LRRC9: variants seen among roughly 807,000 people sequenced by gnomAD.
LRRC9 encodes leucine rich repeat containing 9.
LRRC9 carries 122 observed loss-of-function variants against 63.2 expected under a neutral mutation model. The ratio of observed to expected loss-of-function variants is 1.93; its 90% CI spans 1.67 to 2.24. The LOEUF is 2.24. Ranked by LOEUF, LRRC9 falls within the 30% of genes most tolerant of loss-of-function variation. The pLI is 0.00. For missense variants in LRRC9, 1,071 were observed against 627.7 expected (o/e 1.71, Z -7.55); for synonymous variants, 366 against 213.1 (o/e 1.72, Z -6.25).
Position 60,042,512 on chromosome 14 carries a change from AGT to A in LRRC9, c.3990+10451_3990+10452del, listed in dbSNP as rs1343972317. Among the ~76,000 whole-genome samples the A allele has an allele frequency of 6.6e-6, 1 of 152,194 alleles. No homozygotes were observed. Among genetic ancestry groups the A allele is most frequent in the Non-Finnish European group, 1.5e-5 (1 of 68,022 alleles). ...TTCGATCTCAGACTGCTGTGCTGGC[AGT>A]GAGTGAGGCTCCGTGGGCATGGGAT... On this transcript the variant is annotated intron_variant, in intron 29 of 31. Coordinates refer to ENST00000445360, the Ensembl canonical transcript of LRRC9. The surrounding 1 kb of genome is among the most constrained non-coding windows in gnomAD (Gnocchi z 4.2).
At chr14:59,965,713 C>A (rs775792667) in intron 10 of LRRC9, among the ~76,000 whole-genome samples, 4 of 151,650 alleles carry the variant, frequency 2.6e-5, no homozygotes, top group Non-Finnish European at 2.9e-5. Flanking sequence ...GAAACCCCGT[C>A]TGTATTAAAA....
intron 27 of LRRC9, among the ~76,000 whole-genome samples, chr14:60,026,364 A>G (rs1807890909): frequency 6.6e-6 from 1 of 152,122 alleles, no homozygotes. Context: ...AGTAATGCTG[A>G]GCATTTTTCC....
chr14:60,015,293 C>T lies in LRRC9; in HGVS notation c.3187-1367C>T, dbSNP rs553319425. ...TTTGTGTCATTTCAAAGTTGGCATC[C>T]GTTGATCGTCTTTTCACATTCAAGT... On this transcript the variant is annotated intron_variant, in intron 23 of 31. Transcript: ENST00000445360. Among the ~76,000 whole-genome samples the T allele has an allele frequency of 4.6e-5, 7 of 152,204 alleles. No individual in the cohort carries two copies. In the South Asian group the frequency reaches 8.3e-4, roughly 18 times the overall value.
At chr14:59,929,413 T>TAA (rs1448228394) in intron 3 of LRRC9, among the ~76,000 whole-genome samples, 1 of 123,146 alleles carries the variant, frequency 8.1e-6, no homozygotes, top group Admixed American at 8.0e-5. Flanking sequence ...TATTAAAAAG[T>TAA]CAAAAAAAAA....
At chr14:59,978,166 C>A (rs931377376) in intron 15 of LRRC9, 34 bp downstream of exon 15, 2 of 696,968 alleles carry the variant, frequency 2.9e-6, no homozygotes. Flanking sequence ...AAGACTAATT[C>A]TAATTCCTTA....
chr14:60,013,202 A>G (rs1425624957), intron 23 of LRRC9, among the ~76,000 whole-genome samples: 1 of 151,356 alleles, frequency 6.6e-6, no homozygotes, highest in Non-Finnish European at 1.5e-5. Context: ...ATAGATATAC[A>G]TATAGAGATA....
intron 8 of LRRC9, among the ~76,000 whole-genome samples, chr14:59,954,136 C>G (rs1883469369): frequency 1.3e-5 from 2 of 152,142 alleles, no homozygotes; most frequent in Non-Finnish European, 2.9e-5. Context: ...ATTGTTTTGG[C>G]TATACAGGCT....
At chr14:60,008,261 A>C (rs1303467027) in intron 23 of LRRC9, 47 bp downstream of exon 23, 1 of 650,292 alleles carries the variant, frequency 1.5e-6, no homozygotes, top group African/African-American at 1.8e-5. Flanking sequence ...CTGCATAGTC[A>C]CATATTTATA....
chr14:59,982,879 C>T (rs973089793), intron 16 of LRRC9, among the ~76,000 whole-genome samples: 1 of 152,172 alleles, frequency 6.6e-6, no homozygotes, highest in Non-Finnish European at 1.5e-5. Context: ...CCAATCAGCT[C>T]TCTTCAATAA....
At position 60,024,675 on chromosome 14, in the gene LRRC9, A is replaced by T. The variant is rs193236104; in HGVS notation, c.3703+1805A>T. Among the ~76,000 whole-genome samples the T allele has an allele frequency of 2.4e-4, 36 of 152,130 alleles. 1 individual carries two copies. Among genetic ancestry groups the T allele is most frequent in the African/African-American group, 5.8e-4 (24 of 41,536 alleles). ...TCAGCACAATGACAGATCTTTTTTT[A>T]AAAAAATAATTATTTTAGATTCAAG... On this transcript the variant is annotated intron_variant, in intron 27 of 31. Transcript: ENST00000445360.
At chr14:59,929,115 T>C (rs913753530) in intron 3 of LRRC9, among the ~76,000 whole-genome samples, 1 of 152,008 alleles carries the variant, frequency 6.6e-6, no homozygotes, top group African/African-American at 2.4e-5. Context: ...CAAAAGAAAC[T>C]ATCAACAGGG....
chr14:60,019,350 C>T (rs1196618410), intron 26 of LRRC9, 90 bp downstream of exon 26: 1 of 502,352 alleles, frequency 2.0e-6, no homozygotes, highest in Non-Finnish European at 3.5e-6. Context: ...TAACACATTC[C>T]AGTACATAAA....
intron 10 of LRRC9, among the ~76,000 whole-genome samples, chr14:59,965,919 A>G (rs1884805991): frequency 7.2e-6 from 1 of 139,148 alleles, no homozygotes; most frequent in African/African-American, 2.6e-5. Context: ...AAAAAAAAAA[A>G]AGATACTGGT....
At chr14:59,924,789 C>G (rs55698636) in intron 1 of LRRC9, among the ~76,000 whole-genome samples, 34,188 of 152,034 alleles carry the variant, frequency 0.22, 4,290 homozygotes, top group East Asian at 0.5. Flanking sequence ...AAATACCTCT[C>G]TGACCTCACA....
In LRRC9 at chr14:59,964,551, A is replaced by G. The variant is rs1298916920; in HGVS notation, c.1212-2038A>G. ...TAGGTATTGTTTATTCATTCCTTCC[A>G]CCCATTCATGAGACGCCTCAAGCCC... On this transcript the variant is annotated intron_variant, in intron 10 of 31. Coordinates refer to ENST00000445360, the Ensembl canonical transcript of LRRC9. The surrounding 1 kb of genome is among the most constrained non-coding windows in gnomAD (Gnocchi z 4.4). Among the ~76,000 whole-genome samples the G allele has an allele frequency of 2.6e-5, 4 of 152,064 alleles. No individual in the cohort carries two copies. The East Asian group carries it at 7.7e-4, about 29-fold the overall frequency.
intron 27 of LRRC9, among the ~76,000 whole-genome samples, chr14:60,023,189 A>G (rs1891250345): frequency 6.6e-6 from 1 of 152,062 alleles, no homozygotes; most frequent in Admixed American, 6.6e-5. Flanking sequence ...GGTAAGTACT[A>G]TGAAAGATAT....
intron 12 of LRRC9, among the ~76,000 whole-genome samples, chr14:59,971,836 T>C (rs1364989404): frequency 1.3e-5 from 2 of 152,152 alleles, no homozygotes; most frequent in African/African-American, 4.8e-5. Flanking sequence ...CCTTCTAATC[T>C]CTGCCATTGT....
chr14:59,965,515 G>A (rs1884741104), intron 10 of LRRC9, among the ~76,000 whole-genome samples: 1 of 152,122 alleles, frequency 6.6e-6, no homozygotes, highest in African/African-American at 2.4e-5. Context: ...GGATTAGGAT[G>A]GTAACAGTGG....
rs568616209 is a variant in LRRC9, at chr14:59,958,668, G to C, written c.883-1150G>C. Reference sequence around the variant, plus strand: ...TCGCTGGGGTTCCAGGTTACCCTGCGGTACGAAAAAATACTCCTGCAGCTA... The same window carrying C: ...TCGCTGGGGTTCCAGGTTACCCTGCCGTACGAAAAAATACTCCTGCAGCTA... On this transcript the variant is annotated intron_variant, in intron 8 of 31. Coordinates refer to ENST00000445360, the Ensembl canonical transcript of LRRC9. The surrounding 1 kb of genome is among the most constrained non-coding windows in gnomAD (Gnocchi z 4.0). Among the ~76,000 whole-genome samples the C allele has an allele frequency of 4.6e-5, 7 of 152,274 alleles. No homozygotes were observed. In the South Asian group the frequency reaches 1.4e-3, roughly 32 times the overall value.
Sources: allele counts gnomAD v4.1 joint callset (sites outside exome capture counted in the v4.1 genomes callset), GRCh38; gene constraint gnomAD v4.1.1; non-coding constraint Gnocchi (gnomAD v3.1); transcripts MANE v1.5; gene names NCBI Gene and HGNC (gene_info 2026-07-23, HGNC 2026-07-21).